Variants in R3HDM1 observed in about 807,000 individuals in gnomAD.
R3HDM1 encodes the protein R3H domain containing 1.
Under a neutral mutation model 141.1 loss-of-function variants are expected in R3HDM1, and 46 were observed. The ratio of observed to expected loss-of-function variants is 0.33; its 90% CI spans 0.26 to 0.42. The LOEUF (loss-of-function observed/expected upper bound fraction) is 0.42, where lower values mean the gene tolerates loss of function less well. Ranked by LOEUF, R3HDM1 falls within the 10% of genes least tolerant of loss-of-function variation. The pLI, the probability that R3HDM1 is intolerant of heterozygous loss-of-function variation, is 1.00. For missense variants in R3HDM1, 1,184 were observed against 1,368.3 expected (o/e 0.87, Z 2.12); for synonymous variants, 435 against 472.9 (o/e 0.92, Z 1.04).
rs141793728 is a variant in R3HDM1, at chr2:135,650,316, C to G, written c.1725+313C>G. 606 of 985,280 alleles carry G rather than the reference C, an allele frequency of 6.2e-4. 3 individuals are homozygous for G. In the African/African-American group the frequency reaches 9.9e-3, roughly 16 times the overall value. 61.0% of individuals were successfully genotyped at this position (985,280 alleles called of 1,614,324 possible). A position where few individuals can be genotyped will look rare whatever the true frequency, so the allele number is the denominator to read the frequency against. On this transcript the variant is annotated intron_variant, in intron 17 of 26. Transcript: ENST00000683871. ...GAGGCCACTGCAGGATCTGTGCTGC[C>G]CTGGGATGGCAGCTTTCATCTGGGT...
At chr2:135,580,700 C>A (rs977575367) in intron 1 of R3HDM1, among the ~76,000 whole-genome samples, 6 of 152,198 alleles carry the variant, frequency 3.9e-5, no homozygotes, top group African/African-American at 1.4e-4. Flanking sequence ...CTCCTACTTA[C>A]ATCTTCAGCT....
chr2:135,719,052 G>A (rs148416973), intron 24 of R3HDM1, among the ~76,000 whole-genome samples: 3,494 of 152,196 alleles, frequency 0.023, 49 homozygotes, highest in African/African-American at 0.035. Flanking sequence ...GGAGGCTGAG[G>A]CAGGAGAATC....
chr2:135,688,246 C>T (rs2071704463), intron 21 of R3HDM1, among the ~76,000 whole-genome samples: 2 of 152,188 alleles, frequency 1.3e-5, no homozygotes, highest in African/African-American at 4.8e-5. Flanking sequence ...CACAAGAAAG[C>T]TCTGCTGTGT....
chr2:135,596,102 G>A (rs1007471750), intron 1 of R3HDM1, among the ~76,000 whole-genome samples: 7 of 152,034 alleles, frequency 4.6e-5, no homozygotes, highest in African/African-American at 4.8e-5. Flanking sequence ...AGGCTCCAGC[G>A]ATTCTCCTGC....
chr2:135,581,339 C>G (rs982709102), intron 1 of R3HDM1: 69 of 985,146 alleles, frequency 7.0e-5, no homozygotes, highest in Non-Finnish European at 7.8e-5. Context: ...AATTCCAATT[C>G]CATTTCCCAC....
intron 1 of R3HDM1, among the ~76,000 whole-genome samples, chr2:135,602,253 A>C (rs987390786): frequency 6.6e-6 from 1 of 152,052 alleles, no homozygotes; most frequent in Non-Finnish European, 1.5e-5. Flanking sequence ...TTCTCAGTAC[A>C]TATCATTTTC....
Position 135,645,442 on chromosome 2 carries a change from C to G in R3HDM1, c.1538C>G (p.Pro513Arg), listed in dbSNP as rs775485367. 3 of 1,613,220 alleles carry G rather than the reference C, an allele frequency of 1.9e-6. No homozygotes were observed. Among genetic ancestry groups the G allele is most frequent in the East Asian group, 4.5e-5 (2 of 44,876 alleles). ...VVYNPPMTQQPVRSQVPGPPQ... is the reference protein window; with the variant it reads ...VVYNPPMTQQRVRSQVPGPPQ... ...TATAATCCTCCTATGACTCAACAACCAGTTAGATCCCAAGTGCCTGGACCT... is the reference window on the plus strand; with the variant it reads ...TATAATCCTCCTATGACTCAACAACGAGTTAGATCCCAAGTGCCTGGACCT... Residue 513 changes from proline (P) to arginine (R), a missense_variant, in exon 16 of 27, where the codon CCA becomes CGA. By Grantham distance (103) the Pro-to-Arg change is moderately radical. Coordinates refer to ENST00000683871, the MANE Select transcript of R3HDM1 (RefSeq NM_001378107.1).
At chr2:135,589,152 G>T (rs1708638116) in intron 1 of R3HDM1, among the ~76,000 whole-genome samples, 1 of 152,072 alleles carries the variant, frequency 6.6e-6, no homozygotes, top group African/African-American at 2.4e-5. Flanking sequence ...TTCAAGCATA[G>T]TATATATTAA....
At chr2:135,551,962 A>G (rs911245846) in intron 1 of R3HDM1, among the ~76,000 whole-genome samples, 3 of 152,230 alleles carry the variant, frequency 2.0e-5, no homozygotes, top group African/African-American at 7.2e-5. Context: ...ATAAATTAAC[A>G]TGAGCTGCTT....
At chr2:135,702,217 GAAAAAAAAA>G (rs35183953) in intron 21 of R3HDM1, among the ~76,000 whole-genome samples, 2 of 120,858 alleles carry the variant, frequency 1.7e-5, no homozygotes, top group East Asian at 3.3e-4. Flanking sequence ...GTCTCAGGGG[GAAAAAAAAA>G]AAAAAAAAAA....
At chr2:135,583,879 C>T (rs548807981) in intron 1 of R3HDM1, 1 of 985,364 alleles carries the variant, frequency 1.0e-6, no homozygotes. Flanking sequence ...CATAGTTGCC[C>T]CAGTTCCTAT....
chr2:135,548,985 G>A (rs1019502964), intron 1 of R3HDM1, among the ~76,000 whole-genome samples: 3 of 152,056 alleles, frequency 2.0e-5, no homozygotes, highest in South Asian at 2.1e-4. Context: ...ACTGTCAAAC[G>A]TTTTATGATT....
chr2:135,564,663 T>C (rs532658226), intron 1 of R3HDM1, among the ~76,000 whole-genome samples: 1 of 152,192 alleles, frequency 6.6e-6, no homozygotes. Flanking sequence ...TAGAGTGAGA[T>C]TGGTCTCAAA....
intron 1 of R3HDM1, among the ~76,000 whole-genome samples, chr2:135,535,093 T>C (rs1012647608): frequency 1.2e-4 from 19 of 152,186 alleles, no homozygotes; most frequent in African/African-American, 4.6e-4. Flanking sequence ...TGGTAACAAA[T>C]GGTAATGTAA....
intron 21 of R3HDM1, 62 bp downstream of exon 21, chr2:135,680,386 T>C: frequency 1.9e-6 from 3 of 1,570,848 alleles, no homozygotes; most frequent in Non-Finnish European, 2.6e-6. Context: ...TTATGGTCTG[T>C]TGCTAGTTTT....
chr2:135,543,224 CTG>C, intron 1 of R3HDM1: 2 of 365,862 alleles, frequency 5.5e-6, no homozygotes, highest in Non-Finnish European at 7.6e-6. Context: ...GTTGAAAAGA[CTG>C]TTCTTTCCCC....
intron 21 of R3HDM1, among the ~76,000 whole-genome samples, chr2:135,683,067 A>G (rs2070627402): frequency 6.6e-6 from 1 of 152,180 alleles, no homozygotes; most frequent in South Asian, 2.1e-4. Context: ...ATAAACTTGA[A>G]ATAAGGTAGA....
At position 135,638,477 on chromosome 2, in the gene R3HDM1, A is replaced by G. The variant is rs1049070101; in HGVS notation, c.904-141A>G. 1.9e-5 allele frequency: 15 copies of G among 801,126 alleles called. No individual in the cohort carries two copies. In the East Asian group the frequency reaches 4.0e-4, roughly 22 times the overall value. 49.6% of individuals were successfully genotyped at this position (801,126 alleles called of 1,614,324 possible). A position where few individuals can be genotyped will look rare whatever the true frequency, so the allele number is the denominator to read the frequency against. On this transcript the variant is annotated intron_variant, in intron 11 of 26. Transcript: ENST00000683871. ...ATCTCCAAACCAGAAAAAAAATTCC[A>G]TTATTATTTATTTGTGTACCCTTAT...
chr2:135,571,528 G>A (rs910347841), intron 1 of R3HDM1, among the ~76,000 whole-genome samples: 6 of 151,702 alleles, frequency 4.0e-5, no homozygotes, highest in Non-Finnish European at 7.4e-5. Flanking sequence ...GTTTCACCAC[G>A]TTGCCCAGAC....
Sources: allele counts gnomAD v4.1 joint callset (sites outside exome capture counted in the v4.1 genomes callset), GRCh38; gene constraint gnomAD v4.1.1; transcripts MANE v1.5; gene names NCBI Gene and HGNC (gene_info 2026-07-23, HGNC 2026-07-21).